The following MACIR variants were observed in gnomAD, a reference collection of about 807,000 sequenced individuals.
MACIR encodes the protein macrophage immunometabolism regulator, also known as UNC119-binding protein C5orf30.
A neutral mutation model predicts 14.3 loss-of-function variants in MACIR; 4 were observed. The observed-to-expected ratio is 0.28, with a 90% CI of 0.14 to 0.64. MACIR has a LOEUF of 0.64. Among genes scored for constraint, MACIR ranks in the 30% least tolerant of loss-of-function variants. The probability of loss-of-function intolerance (pLI) is 0.83; values close to 1 mark genes in which losing one functional copy is unlikely to be tolerated. For synonymous variants in MACIR, 101 were observed against 102.4 expected (o/e 0.99, Z 0.08); for missense variants, 228 against 257.6 (o/e 0.89, Z 0.79).
At position 103,276,333 on chromosome 5, in the gene MACIR, T is replaced by G; in HGVS notation, c.414T>G (p.Thr138=). ...RRMPSSGDKC[T]KSLPYEPYKA... is the part of the protein sequence containing the mutation. ...TGCCAAGCTCAGGAGACAAGTGCAC[T>G]AAATCTTTACCTTATGAACCTTACA... Residue 138 remains threonine, a synonymous_variant, in exon 3 of 3, where the codon ACT becomes ACG. Coordinates refer to ENST00000319933, the MANE Select transcript of MACIR (RefSeq NM_033211.4). 6.2e-7 allele frequency: 1 copy of G among 1,613,142 alleles called. No individual in the cohort carries two copies. The highest frequency in any genetic ancestry group is 8.5e-7 in the Non-Finnish European group (1 of 1,179,892).
At chr5:103,274,762 G>T (rs1554237462) in intron 2 of MACIR, among the ~76,000 whole-genome samples, 1 of 152,048 alleles carries the variant, frequency 6.6e-6, no homozygotes, top group East Asian at 1.9e-4. Context: ...AGATTCGTAA[G>T]AGTTATTTAA....
At chr5:103,267,156 C>T (rs1223313048) in intron 2 of MACIR, among the ~76,000 whole-genome samples, 1 of 152,102 alleles carries the variant, frequency 6.6e-6, no homozygotes, top group Non-Finnish European at 1.5e-5. Context: ...CCCTTGGCAT[C>T]CTTGGGGGAT....
Position 103,275,982 on chromosome 5 carries a change from T to A in MACIR, c.63T>A (p.Ala21=), listed in dbSNP as rs148596053. 1,059 of 1,614,084 alleles carry A rather than the reference T, an allele frequency of 6.6e-4. No homozygotes were observed. Among genetic ancestry groups the A allele is most frequent in the Non-Finnish European group, 8.1e-4 (954 of 1,180,040 alleles). The stretch of plus-strand genomic sequence containing the variant: ...TGACCACCTTGCCCTTCCCTGGGGC[T>A]GAGGCCAACTCCCCGGGAAAGGCGG... ...STLTTLPFPG[A]EANSPGKAEA... The change falls in exon 3 of 3, where the codon GCT becomes GCA. Residue 21 remains alanine (A), a synonymous_variant. Transcript: ENST00000319933.
chr5:103,276,552 AG>A lies in MACIR; in HGVS notation c.*13del, dbSNP rs1805342932. 1.3e-6 allele frequency: 2 copies of A among 1,597,128 alleles called. No individual in the cohort carries two copies. The highest frequency in any genetic ancestry group is 1.7e-6 in the Non-Finnish European group (2 of 1,172,740). On this transcript the variant is annotated 3_prime_UTR_variant, in exon 3 of 3. Transcript: ENST00000319933. Reference sequence around the variant, plus strand: ...GGAATAATACATGAATGACTTGGAGAGAGCTTAAACCAATTTAGGTCAGCCT... The same window carrying A: ...GGAATAATACATGAATGACTTGGAGAAGCTTAAACCAATTTAGGTCAGCCT...
rs70990427 is a variant in MACIR, at chr5:103,260,050, CGTGTGTGT to C, written c.-114+1173_-114+1180del. 6.3e-3 allele frequency among the ~76,000 whole-genome samples: 881 copies of C among 138,808 alleles called. 9 individuals carry two copies. The highest frequency in any genetic ancestry group is 0.021 in the African/African-American group (844 of 39,806). 91.1% of individuals were successfully genotyped at this position (138,808 alleles called of 152,430 possible). A position where few individuals can be genotyped will look rare whatever the true frequency, so the allele number is the denominator to read the frequency against. On this transcript the variant is annotated intron_variant, in intron 1 of 2. Transcript: ENST00000319933. ...CTGATTTGGGTGGAACCAAGATTTC[CGTGTGTGT>C]GTGTGTGTGTGTGTGTGTTTGTGTG...
chr5:103,263,426 A>G (rs1554236486), intron 1 of MACIR, among the ~76,000 whole-genome samples: 1 of 152,162 alleles, frequency 6.6e-6, no homozygotes, highest in Non-Finnish European at 1.5e-5. Flanking sequence ...TTTGTTTACT[A>G]TGAAATTACC....
At chr5:103,275,802 T>G in intron 2 of MACIR, 95 bp from the exon 3 acceptor site, 1 of 996,352 alleles carries the variant, frequency 1.0e-6, no homozygotes, top group Non-Finnish European at 1.5e-6. Flanking sequence ...TTCAGGCAAG[T>G]GTTACTTCAT....
rs1234318730 is a variant in MACIR at position 103,276,928 on chromosome 5, T to C, written c.*388T>C. 1 of 167,206 alleles carries C rather than the reference T, an allele frequency of 6.0e-6. No individual in the cohort carries two copies. The highest frequency in any genetic ancestry group is 6.5e-5 in the Admixed American group (1 of 15,482). The allele number at this position is 167,206 out of a possible 1,614,324, so 10.4% of individuals were successfully genotyped here. On this transcript the variant is annotated 3_prime_UTR_variant, in exon 3 of 3. Coordinates refer to ENST00000319933, the MANE Select transcript of MACIR (RefSeq NM_033211.4). ...TTTATATCTTCAGTACTCAAGTACT[T>C]CTTGAATCTCTGTATTTTACTATAA...
chr5:103,265,043 G>T (rs943602380), intron 1 of MACIR, among the ~76,000 whole-genome samples: 1 of 152,052 alleles, frequency 6.6e-6, no homozygotes, highest in Non-Finnish European at 1.5e-5. Flanking sequence ...GACTTTGGAG[G>T]GTTTTCCTCG....
Position 103,277,004 on chromosome 5 carries a change from A to G in MACIR, c.*464A>G, listed in dbSNP as rs1805362462. 6.0e-6 allele frequency: 1 copy of G among 167,372 alleles called. No individual in the cohort carries two copies. The highest frequency in any genetic ancestry group is 2.4e-5 in the African/African-American group (1 of 41,466). 10.4% of individuals were successfully genotyped at this position (167,372 alleles called of 1,614,324 possible). On this transcript the variant is annotated 3_prime_UTR_variant, in exon 3 of 3. Coordinates refer to ENST00000319933, the MANE Select transcript of MACIR (RefSeq NM_033211.4). ...AAATTTAGAACTTGAACATTGCTGA[A>G]TTGGACCACTTTTTATTTTTAAATA... is the stretch of plus-strand genomic sequence containing the variant.
chr5:103,267,747 C>G (rs1804979135), intron 2 of MACIR, among the ~76,000 whole-genome samples: 1 of 152,060 alleles, frequency 6.6e-6, no homozygotes, highest in Non-Finnish European at 1.5e-5. Flanking sequence ...TTAGTAAAAT[C>G]CGTCCTTTTA....
At chr5:103,259,916 T>G (rs1554236062) in intron 1 of MACIR, 2 of 152,266 alleles carry the variant, frequency 1.3e-5, no homozygotes, top group African/African-American at 4.8e-5. Context: ...AGAAAGGAGA[T>G]GGGAACGCGA....
At chr5:103,274,110 T>C (rs1554237415) in intron 2 of MACIR, among the ~76,000 whole-genome samples, 1 of 152,180 alleles carries the variant, frequency 6.6e-6, no homozygotes, top group African/African-American at 2.4e-5. Flanking sequence ...TTACGTAGGT[T>C]GGAGGCCTTG....
intron 2 of MACIR, among the ~76,000 whole-genome samples, chr5:103,271,145 G>C (rs1024888583): frequency 5.3e-5 from 8 of 152,218 alleles, no homozygotes; most frequent in African/African-American, 1.7e-4. Flanking sequence ...ATATAGGAAA[G>C]CTAATGAAGC....
Position 103,276,064 on chromosome 5 carries a change from T to C in MACIR, c.145T>C (p.Ser49Pro), listed in dbSNP as rs369790097. The C allele has an allele frequency of 7.4e-6, 12 of 1,614,068 alleles. No homozygotes were observed. Among genetic ancestry groups the C allele is most frequent in the Non-Finnish European group, 1.0e-5 (12 of 1,180,028 alleles). ...TPCSPMRRTV[S>P]GYQILHMDSN... ...CTGCTCCCCGATGCGGAGGACCGTG[T>C]CAGGCTACCAGATCCTACACATGGA... The change falls in exon 3 of 3, where the codon TCA becomes CCA. Residue 49 changes from serine to proline, a missense_variant. Ser to Pro is a moderately conservative substitution (Grantham distance 74, BLOSUM62 -1). Transcript: ENST00000319933.
At chr5:103,259,468 C>T (rs1804590282) in intron 1 of MACIR, 1 of 152,180 alleles carries the variant, frequency 6.6e-6, no homozygotes, top group Non-Finnish European at 1.5e-5. Flanking sequence ...GGCCTGGAGG[C>T]CCCTTTGAGA....
chr5:103,259,601 G>C (rs994639101), intron 1 of MACIR: 2 of 152,380 alleles, frequency 1.3e-5, no homozygotes, highest in Non-Finnish European at 2.9e-5. Context: ...GACCCTCCTC[G>C]TCCTGGTTGC....
intron 1 of MACIR, among the ~76,000 whole-genome samples, chr5:103,261,161 C>G (rs144913280): frequency 3.9e-5 from 6 of 152,276 alleles, no homozygotes; most frequent in Non-Finnish European, 8.8e-5. Context: ...AGAACTGATA[C>G]TAGAAAGAGA....
At chr5:103,268,663 C>G (rs782319075) in intron 2 of MACIR, among the ~76,000 whole-genome samples, 4 of 152,202 alleles carry the variant, frequency 2.6e-5, no homozygotes, top group African/African-American at 7.2e-5. Flanking sequence ...CACCCCAGAT[C>G]AGTTAAATCA....
Sources: allele counts gnomAD v4.1 joint callset (sites outside exome capture counted in the v4.1 genomes callset), GRCh38; gene constraint gnomAD v4.1.1; transcripts MANE v1.5; gene names NCBI Gene and HGNC (gene_info 2026-07-23, HGNC 2026-07-21).